Variants in TUT4 observed in about 807,000 individuals in gnomAD.
The protein encoded by TUT4 is terminal uridylyltransferase 4.
In TUT4, 36 loss-of-function variants were observed where a neutral mutation model predicts 192.2. The observed-to-expected ratio is 0.19, with a 90% CI of 0.14 to 0.25. The LOEUF (loss-of-function observed/expected upper bound fraction) is 0.25, where lower values mean the gene tolerates loss of function less well. TUT4 is among the 10% of genes least tolerant of loss of function. The pLI, the probability that TUT4 is intolerant of heterozygous loss-of-function variation, is 1.00. For missense variants in TUT4, 1,493 were observed against 1,957.2 expected, an observed-to-expected ratio of 0.76 and a Z score of 4.47; for synonymous variants, 618 against 666.0, an observed-to-expected ratio of 0.93 and a Z score of 1.11.
intron 1 of TUT4, among the ~76,000 whole-genome samples, chr1:52,541,016 G>A (rs1304225821): frequency 6.6e-6 from 1 of 151,788 alleles, no homozygotes; most frequent in African/African-American, 2.4e-5. Flanking sequence ...GACCAGCCTG[G>A]CCAACATGGT....
intron 3 of TUT4, chr1:52,515,571 A>G: frequency 2.1e-6 from 1 of 469,262 alleles, no homozygotes; most frequent in Non-Finnish European, 3.8e-6. Context: ...GCATGGCTAT[A>G]TTCCAATAAA....
chr1:52,491,062 A>C (rs564151780), intron 7 of TUT4, among the ~76,000 whole-genome samples: 1 of 152,228 alleles, frequency 6.6e-6, no homozygotes, highest in South Asian at 2.1e-4. Context: ...ACATCCCTAA[A>C]AGTTTTAATA....
At chr1:52,550,202 T>C (rs143144023) in intron 1 of TUT4, among the ~76,000 whole-genome samples, 4 of 152,310 alleles carry the variant, frequency 2.6e-5, no homozygotes, top group African/African-American at 9.6e-5. Context: ...ATTCTAGAAT[T>C]AAAACAATTC....
intron 1 of TUT4, among the ~76,000 whole-genome samples, chr1:52,546,680 T>C (rs1034827179): frequency 6.6e-6 from 1 of 152,222 alleles, no homozygotes; most frequent in Non-Finnish European, 1.5e-5. Context: ...ATTAAGATGA[T>C]ATGTTGTGTT....
intron 1 of TUT4, chr1:52,535,032 G>A (rs1345484536): frequency 2.6e-5 from 4 of 151,888 alleles, no homozygotes; most frequent in African/African-American, 9.7e-5. Context: ...TCTTTGCTTT[G>A]GTATTCTGAA....
At chr1:52,452,991 G>A (rs1213981399) in intron 20 of TUT4, among the ~76,000 whole-genome samples, 1 of 152,186 alleles carries the variant, frequency 6.6e-6, no homozygotes, top group Admixed American at 6.5e-5. Flanking sequence ...GGTGTTCAAC[G>A]CAGAAGTGGT....
chr1:52,517,097 A>T (rs1231273229), intron 2 of TUT4, among the ~76,000 whole-genome samples: 6 of 152,132 alleles, frequency 3.9e-5, no homozygotes, highest in Non-Finnish European at 5.9e-5. Context: ...CCCCATTAAT[A>T]TTTACCTGTC....
At chr1:52,541,405 G>A (rs1391373364) in intron 1 of TUT4, among the ~76,000 whole-genome samples, 3 of 151,206 alleles carry the variant, frequency 2.0e-5, no homozygotes, top group African/African-American at 4.9e-5. Context: ...GGTGGCAGGC[G>A]CCAGTAATCC....
chr1:52,466,303 A>C (rs959133051), intron 15 of TUT4, among the ~76,000 whole-genome samples: 4 of 152,106 alleles, frequency 2.6e-5, no homozygotes, highest in Admixed American at 2.6e-4. Context: ...GTTTGAGACC[A>C]GGCTGGGCAA....
chr1:52,435,800 T>C (rs960046107), intron 26 of TUT4, among the ~76,000 whole-genome samples: 1 of 152,142 alleles, frequency 6.6e-6, no homozygotes, highest in Non-Finnish European at 1.5e-5. Context: ...ATCCTAGTAT[T>C]CTGGGAGGCT....
chr1:52,471,882 A>T, intron 14 of TUT4, 70 bp downstream of exon 14: 4 of 1,479,052 alleles, frequency 2.7e-6, no homozygotes, highest in Non-Finnish European at 3.6e-6. Flanking sequence ...ACTGTTTTTA[A>T]ATCAGAAAAT....
intron 8 of TUT4, among the ~76,000 whole-genome samples, chr1:52,489,949 A>T (rs1670718907): frequency 6.6e-6 from 1 of 152,158 alleles, no homozygotes. Context: ...CTCCCACACT[A>T]CTTTCAAATA....
intron 1 of TUT4, among the ~76,000 whole-genome samples, chr1:52,547,886 G>A (rs1481199259): frequency 6.6e-6 from 1 of 152,040 alleles, no homozygotes; most frequent in Non-Finnish European, 1.5e-5. Context: ...ATGGGAACTG[G>A]GTTTCATTAT....
At chr1:52,547,948 T>C in intron 1 of TUT4, among the ~76,000 whole-genome samples, 1 of 152,110 alleles carries the variant, frequency 6.6e-6, no homozygotes, top group East Asian at 1.9e-4. Context: ...ACCTTATAAA[T>C]ATACTAAAAG....
intron 9 of TUT4, among the ~76,000 whole-genome samples, chr1:52,487,215 G>A (rs982078563): frequency 6.6e-6 from 1 of 152,102 alleles, no homozygotes; most frequent in African/African-American, 2.4e-5. Context: ...GGAGGCTAGG[G>A]TGGGAGGATC....
Position 52,438,228 on chromosome 1 carries a change from T to C in TUT4, c.3930A>G (p.Lys1310=). The C allele has an allele frequency of 2.5e-6, 4 of 1,610,428 alleles. No homozygotes were observed. Among genetic ancestry groups the C allele is most frequent in the Non-Finnish European group, 2.5e-6 (3 of 1,178,908 alleles). The change falls in exon 25 of 30, where the codon AAA becomes AAG. Residue 1310 remains lysine, a synonymous_variant. Transcript: ENST00000257177. ...KIGHYMKDCP[K]RKSSLLFRLK... ...TATATTCATTTGCCAACCTTTTCCT[T>C]TTAGGGCAGTCTTTCATGTAGTGGC...
chr1:52,472,010 T>C lies in TUT4; in HGVS notation c.2820A>G (p.Leu940=), dbSNP rs973665498. ...CCCGAAATCGGTTTGTCATTGGTGG[T>C]AGAGGTTTTAAATCAATTTTCCTAA... ...EDFRKIDLKP[L]PPMTNRFREI... The change falls in exon 14 of 30, where the codon CTA becomes CTG. Residue 940 remains leucine, a synonymous_variant. Coordinates refer to ENST00000257177, the MANE Select transcript of TUT4 (RefSeq NM_001009881.3). The C allele has an allele frequency of 5.9e-5, 95 of 1,613,820 alleles. No individual in the cohort carries two copies. The highest frequency in any genetic ancestry group is 7.4e-5 in the Non-Finnish European group (87 of 1,179,904).
intron 25 of TUT4, among the ~76,000 whole-genome samples, chr1:52,437,963 C>A (rs1359705864): frequency 3.3e-5 from 5 of 150,976 alleles, no homozygotes; most frequent in Admixed American, 2.0e-4. Context: ...TCAAAAAAAA[C>A]AAAAATAAAA....
intron 3 of TUT4, 132 bp downstream of exon 3, chr1:52,515,756 AGAG>A (rs1678555866): frequency 2.1e-6 from 2 of 952,724 alleles, no homozygotes; most frequent in Non-Finnish European, 3.2e-6. Context: ...GAAGAAAGGT[AGAG>A]AAGAGGGAAG....
Sources: allele counts gnomAD v4.1 joint callset (sites outside exome capture counted in the v4.1 genomes callset), GRCh38; gene constraint gnomAD v4.1.1; transcripts MANE v1.5; gene names NCBI Gene and HGNC (gene_info 2026-07-23, HGNC 2026-07-21).